The following GNL3 variants were observed in gnomAD, a reference collection of about 807,000 sequenced individuals.
GNL3 encodes the protein G protein nucleolar 3.
Under a neutral mutation model 70.6 loss-of-function variants are expected in GNL3, and 77 were observed. That is an observed-to-expected ratio of 1.09 (90% CI 0.91 to 1.32). The LOEUF (loss-of-function observed/expected upper bound fraction) is 1.32. Among genes scored for constraint, GNL3 ranks in the 40% most tolerant of loss-of-function variants. GNL3 has a pLI of 0.00. For missense variants in GNL3, 634 were observed against 644.0 expected (o/e 0.98, Z 0.17); for synonymous variants, 252 against 216.1 (o/e 1.17, Z -1.46).
intron 13 of GNL3, 29 bp from the exon 14 acceptor site, chr3:52,694,008 A>G (rs1319721776): frequency 6.3e-7 from 1 of 1,583,968 alleles, no homozygotes; most frequent in Non-Finnish European, 8.7e-7. Flanking sequence ...AGGGCTACTA[A>G]TCCAGCACTA....
intron 9 of GNL3, 65 bp from the exon 10 acceptor site, chr3:52,692,807 C>T (rs776742152): frequency 3.2e-6 from 4 of 1,266,946 alleles, no homozygotes; most frequent in Non-Finnish European, 4.6e-6. Flanking sequence ...CCCTGAGCTT[C>T]ATGTTCTGTC....
chr3:52,690,512 C>T (rs904675562), intron 6 of GNL3, 80 bp from the exon 7 acceptor site: 15 of 769,550 alleles, frequency 1.9e-5, no homozygotes, highest in Non-Finnish European at 3.3e-5. Flanking sequence ...ATCCGCCTGT[C>T]TCGGCCTCCC....
Position 52,693,765 on chromosome 3 carries a change from T to C in GNL3, c.1458T>C (p.Asp486=), listed in dbSNP as rs773256096. 20 of 1,614,074 alleles carry C rather than the reference T, an allele frequency of 1.2e-5. No individual in the cohort carries two copies. The highest frequency in any genetic ancestry group is 1.7e-5 in the Non-Finnish European group (20 of 1,179,966). Residue 486 remains aspartate, a synonymous_variant, in exon 13 of 15, where the codon GAT becomes GAC. Transcript: ENST00000418458. The part of the protein sequence containing the change: ...RKERKQEERE[D]DKDSDQETVD... ...AAAGGAAGCAGGAGGAGAGGGAGGA[T>C]GACAAAGACAGTGACCAGGAAACTG...
intron 1 of GNL3, 58 bp from the exon 2 acceptor site, chr3:52,686,711 T>G: frequency 7.9e-7 from 1 of 1,272,662 alleles, no homozygotes; most frequent in South Asian, 1.2e-5. Flanking sequence ...AACTCCATAG[T>G]GCGTTAACCC....
At chr3:52,687,151 CAT>C (rs1427665340) in intron 2 of GNL3, 93 bp from the exon 3 acceptor site, 9 of 1,000,280 alleles carry the variant, frequency 9.0e-6, no homozygotes, top group Non-Finnish European at 1.4e-5. Context: ...ATTTTATAGG[CAT>C]AACTAAATTG....
In GNL3 at chr3:52,693,717, T is replaced by C. The variant is rs780810611; in HGVS notation, c.1410T>C (p.His470=). 1.2e-6 allele frequency: 2 copies of C among 1,613,794 alleles called. No individual in the cohort carries two copies. Among genetic ancestry groups the C allele is most frequent in the East Asian group, 2.2e-5 (1 of 44,886 alleles). The change falls in exon 13 of 15, where the codon CAT becomes CAC. Residue 470 remains histidine, a synonymous_variant. Transcript: ENST00000418458. ...GAATAATAGAAGAAAAGGACATACATGAAGAATTGCCAAAACGGAAAGAAA... is the reference window on the plus strand; with the variant it reads ...GAATAATAGAAGAAAAGGACATACACGAAGAATTGCCAAAACGGAAAGAAA... ...TNGIIEEKDI[H]EELPKRKERK... is the part of the protein sequence containing the mutation.
rs762441087 is a variant in GNL3, at chr3:52,692,854, C to CA, written c.870-18_870-17insA. ...AAATAGACCAATGCCCCCATCAATT[C>CA]CATCGCTCTTCTTTCAGGAGCATGC... is the stretch of plus-strand genomic sequence containing the variant. On this transcript the variant is annotated splice_polypyrimidine_tract_variant and intron_variant, in intron 9 of 14. Coordinates refer to ENST00000418458, the MANE Select transcript of GNL3 (RefSeq NM_014366.5). The CA allele has an allele frequency of 1.9e-6, 3 of 1,600,924 alleles. No homozygotes were observed. In the Admixed American group the frequency reaches 5.0e-5, roughly 27 times the overall value.
intron 1 of GNL3, chr3:52,686,546 A>G: frequency 1.7e-6 from 1 of 589,942 alleles, no homozygotes; most frequent in Non-Finnish European, 3.0e-6. Flanking sequence ...ATCCCATTCT[A>G]ATATTGTGAG....
chr3:52,690,456 G>A, intron 6 of GNL3, 136 bp from the exon 7 acceptor site: 1 of 577,122 alleles, frequency 1.7e-6, no homozygotes. Context: ...GTAGAGACGG[G>A]GTTTTATCGT....
chr3:52,690,687 A>G lies in GNL3; in HGVS notation c.637A>G (p.Lys213Glu), dbSNP rs2097326399. The G allele has an allele frequency of 1.9e-6, 3 of 1,585,140 alleles. No individual in the cohort carries two copies. The highest frequency in any genetic ancestry group is 2.6e-6 in the Non-Finnish European group (3 of 1,153,804). ...VFRASTKPKD[K>E]GKITKRVKAK... is the part of the protein sequence containing the mutation. ...CAGAGCCTCAACAAAACCAAAGGAT[A>G]AAGGGAAGATAACCAAGGTATCCTT... The change falls in exon 7 of 15, where the codon AAA (lysine) becomes GAA (glutamate). Residue 213 changes from lysine (K) to glutamate (E), a missense_variant. Lys to Glu is a moderately conservative substitution (Grantham distance 56). Transcript: ENST00000418458.
At chr3:52,687,150 G>T in intron 2 of GNL3, 96 bp from the exon 3 acceptor site, 1 of 989,452 alleles carries the variant, frequency 1.0e-6, no homozygotes, top group Non-Finnish European at 1.5e-6. Context: ...CATTTTATAG[G>T]CATAACTAAA....
In GNL3 at chr3:52,691,087, T is replaced by C; in HGVS notation, c.781+16T>C. 6.2e-7 allele frequency: 1 copy of C among 1,609,058 alleles called. No individual in the cohort carries two copies. Among genetic ancestry groups the C allele is most frequent in the Non-Finnish European group, 8.5e-7 (1 of 1,175,680 alleles). On this transcript the variant is annotated intron_variant, in intron 8 of 14. Coordinates refer to ENST00000418458, the MANE Select transcript of GNL3 (RefSeq NM_014366.5). Reference sequence around the variant, plus strand: ...GGAGTAATTGGTGAGTTTCAGTTCATTACTTTTTACTTTTTAAGTGTTGAA... The same window carrying C: ...GGAGTAATTGGTGAGTTTCAGTTCACTACTTTTTACTTTTTAAGTGTTGAA...
rs374614102 is a variant in GNL3, at chr3:52,693,712, A to C, written c.1405A>C (p.Ile469Leu). 1.2e-6 allele frequency: 2 copies of C among 1,613,900 alleles called. No individual in the cohort carries two copies. Among genetic ancestry groups the C allele is most frequent in the Non-Finnish European group, 1.7e-6 (2 of 1,179,868 alleles). The change falls in exon 13 of 15, where the codon ATA becomes CTA. Residue 469 changes from isoleucine to leucine, a missense_variant. Physicochemically the swap from Ile to Leu is conservative, Grantham distance 5. Transcript: ENST00000418458. ...LTNGIIEEKD[I>L]HEELPKRKER... is the part of the protein sequence containing the mutation. ...AAATGGAATAATAGAAGAAAAGGACATACATGAAGAATTGCCAAAACGGAA... is the reference window on the plus strand; with the variant it reads ...AAATGGAATAATAGAAGAAAAGGACCTACATGAAGAATTGCCAAAACGGAA...
intron 1 of GNL3, 99 bp downstream of exon 1, chr3:52,686,204 T>C: frequency 1.5e-6 from 2 of 1,349,372 alleles, no homozygotes; most frequent in Non-Finnish European, 2.1e-6. Context: ...TCTCTGCTGG[T>C]ATGGGGGTGG....
upstream of GNL3, chr3:52,686,027 G>C: frequency 1.2e-6 from 1 of 825,548 alleles, no homozygotes; most frequent in Non-Finnish European, 2.2e-6. Context: ...CTCGTCAGTG[G>C]CTTCAGTTCA....
Position 52,687,307 on chromosome 3 carries a change from G to C in GNL3, c.134G>C (p.Arg45Thr). The C allele has an allele frequency of 1.2e-6, 2 of 1,613,354 alleles. No individual in the cohort carries two copies. Among genetic ancestry groups the C allele is most frequent in the Non-Finnish European group, 1.7e-6 (2 of 1,179,278 alleles). Residue 45 changes from arginine to threonine, a missense_variant, in exon 3 of 15, where the codon AGG (arginine) becomes ACG (threonine). Coordinates refer to ENST00000418458, the MANE Select transcript of GNL3 (RefSeq NM_014366.5). The stretch of plus-strand genomic sequence containing the variant: ...AAAAAGCGGGGTCACAAGAAGCCTA[G>C]GAAAGACCCAGGAGTTCCAAACAGT... ...EAKKRGHKKP[R>T]KDPGVPNSAP...
chr3:52,691,314 G>A, intron 8 of GNL3: 1 of 603,194 alleles, frequency 1.7e-6, no homozygotes, highest in Non-Finnish European at 2.9e-6. Context: ...GTAGGAAGCT[G>A]GTTTCTAAAA....
At chr3:52,689,523 A>T (rs2097325254) in intron 6 of GNL3, among the ~76,000 whole-genome samples, 1 of 152,350 alleles carries the variant, frequency 6.6e-6, no homozygotes, top group East Asian at 1.9e-4. Flanking sequence ...ACACCTACAC[A>T]ATGTCGGGTA....
At chr3:52,692,725 A>C (rs755188727) in intron 9 of GNL3, 147 bp from the exon 10 acceptor site, 1 of 770,486 alleles carries the variant, frequency 1.3e-6, no homozygotes, top group Admixed American at 1.7e-5. Context: ...ATGCTGTTAC[A>C]GTTTTAGATA....
Sources: allele counts gnomAD v4.1 joint callset (sites outside exome capture counted in the v4.1 genomes callset), GRCh38; gene constraint gnomAD v4.1.1; transcripts MANE v1.5; gene names NCBI Gene and HGNC (gene_info 2026-07-23, HGNC 2026-07-21).